The following ANO1 variants were observed in gnomAD, a reference collection of about 807,000 sequenced individuals.
ANO1 encodes anoctamin 1.
ANO1 carries 59 observed loss-of-function variants against 124.0 expected under a neutral mutation model. The ratio of observed to expected loss-of-function variants is 0.48; its 90% CI spans 0.39 to 0.59. ANO1 has a LOEUF of 0.59. Ranked by LOEUF, ANO1 falls within the 20% of genes least tolerant of loss-of-function variation. The pLI is 0.00. For synonymous variants in ANO1, 529 were observed against 532.0 expected (o/e 0.99, Z 0.08); for missense variants, 1,059 against 1,328.0 (o/e 0.80, Z 3.15).
chr11:70,162,007 G>T (rs1296696654), intron 18 of ANO1, among the ~76,000 whole-genome samples: 1 of 150,246 alleles, frequency 6.7e-6, no homozygotes, highest in Non-Finnish European at 1.5e-5. Flanking sequence ...GAGGGCCCTG[G>T]GCAGTGAGGA....
At position 70,182,565 on chromosome 11, in the gene ANO1, A is replaced by G. The variant is rs775900176; in HGVS notation, c.2467A>G (p.Lys823Glu). 11 of 1,613,430 alleles carry G rather than the reference A, an allele frequency of 6.8e-6. No homozygotes were observed. In the South Asian group the frequency reaches 9.9e-5, roughly 15 times the overall value. Residue 823 changes from lysine to glutamate, a missense_variant, in exon 24 of 26, where the codon AAG becomes GAG. Physicochemically the swap from Lys to Glu is moderately conservative, Grantham distance 56. This residue lies in a region of ANO1 where 809 missense variants were observed against 1,094.9 expected (regional missense o/e 0.74). Coordinates refer to ENST00000355303, the MANE Select transcript of ANO1 (RefSeq NM_018043.7). ...PRLVYLYMYS[K>E]NGTMHGFVNH... ...CCTGGTGTACCTCTACATGTACAGTAAGAACGGGACCATGCACGGCTTCGT... is the reference window on the plus strand; with the variant it reads ...CCTGGTGTACCTCTACATGTACAGTGAGAACGGGACCATGCACGGCTTCGT...
chr11:70,120,423 C>T (rs2046213976), intron 8 of ANO1, among the ~76,000 whole-genome samples: 1 of 152,120 alleles, frequency 6.6e-6, no homozygotes, highest in Non-Finnish European at 1.5e-5. Flanking sequence ...CCTCCCCCTG[C>T]CAGGGCACTG....
intron 1 of ANO1, among the ~76,000 whole-genome samples, chr11:70,003,806 C>T (rs1554999691): frequency 6.6e-6 from 1 of 152,170 alleles, no homozygotes; most frequent in African/African-American, 2.4e-5. Context: ...GACTGTTTCA[C>T]ATAGAACAGT....
At chr11:69,970,639 G>A in the ANO1 span, among the ~76,000 whole-genome samples, 1 of 152,206 alleles carries the variant, frequency 6.6e-6, no homozygotes, top group Non-Finnish European at 1.5e-5. Flanking sequence ...GAGTTCAAAT[G>A]TGGCCTCGCA....
At position 70,185,575 on chromosome 11, in the gene ANO1, C is replaced by T; in HGVS notation, c.2589-15C>T. 6.2e-7 allele frequency: 1 copy of T among 1,610,958 alleles called. No homozygotes were observed. The highest frequency in any genetic ancestry group is 8.5e-7 in the Non-Finnish European group (1 of 1,177,662). Reference sequence around the variant, plus strand: ...ACCGAAGTCCCACCCTCGACTCCACCACGGTCTTTTGCAGGTATAAAGACT... The same window carrying T: ...ACCGAAGTCCCACCCTCGACTCCACTACGGTCTTTTGCAGGTATAAAGACT... On this transcript the variant is annotated splice_polypyrimidine_tract_variant and intron_variant, in intron 24 of 25. Coordinates refer to ENST00000355303, the MANE Select transcript of ANO1 (RefSeq NM_018043.7).
At chr11:70,097,477 A>G (rs2045041947) in intron 2 of ANO1, among the ~76,000 whole-genome samples, 1 of 152,210 alleles carries the variant, frequency 6.6e-6, no homozygotes, top group Admixed American at 6.5e-5. Flanking sequence ...TGACCTCTCC[A>G]GGCAGACCCC....
chr11:70,061,509 C>CCCTCCTCCCTTTCTCTCTCTCT, intron 1 of ANO1, among the ~76,000 whole-genome samples: 6 of 148,850 alleles, frequency 4.0e-5, no homozygotes, highest in Non-Finnish European at 8.9e-5. Context: ...TCTCTCTCTC[C>CCCTCCTCCCTTTCTCTCTCTCT]CCTCCTCCCT....
Position 70,132,033 on chromosome 11 carries a change from C to G in ANO1, c.1212C>G (p.Phe404Leu). The G allele has an allele frequency of 6.2e-7, 1 of 1,602,618 alleles. No individual in the cohort carries two copies. Among genetic ancestry groups the G allele is most frequent in the South Asian group, 1.1e-5 (1 of 89,710 alleles). ...CCACGGCCCGCGCCAGCCACCTCTT[C>G]GACAACCCCGCCACGGTCTTCTTCT... The part of the protein sequence containing the change: ...ACATARASHL[F>L]DNPATVFFSV... The change falls in exon 11 of 26, where the codon TTC becomes TTG. Residue 404 changes from phenylalanine (F) to leucine (L), a missense_variant. Physicochemically the swap from Phe to Leu is conservative, Grantham distance 22 (BLOSUM62 0). Transcript: ENST00000355303.
At chr11:70,015,744 C>A in intron 1 of ANO1, 1 of 152,394 alleles carries the variant, frequency 6.6e-6, no homozygotes, top group East Asian at 1.9e-4. Flanking sequence ...ATGGGAGCAC[C>A]CAGGGACTGC....
At chr11:70,018,603 G>A (rs1476009654) in intron 1 of ANO1, among the ~76,000 whole-genome samples, 1 of 152,168 alleles carries the variant, frequency 6.6e-6, no homozygotes, top group Non-Finnish European at 1.5e-5. Context: ...ACTACACTGA[G>A]CAGAACCCCC....
At chr11:70,176,984 C>T (rs1412558192) in intron 22 of ANO1, among the ~76,000 whole-genome samples, 1 of 152,140 alleles carries the variant, frequency 6.6e-6, no homozygotes, top group Non-Finnish European at 1.5e-5. Flanking sequence ...GAGAGCCATC[C>T]GCCTGGACGT....
chr11:69,976,824 C>A, the ANO1 span, among the ~76,000 whole-genome samples: 2 of 152,206 alleles, frequency 1.3e-5, no homozygotes, highest in South Asian at 2.1e-4. Context: ...AGGCCCTGAC[C>A]GGCCCGGGCC....
chr11:70,081,287 G>A (rs1201095948), intron 1 of ANO1, among the ~76,000 whole-genome samples: 3 of 152,162 alleles, frequency 2.0e-5, no homozygotes, highest in Non-Finnish European at 4.4e-5. Context: ...TGAAACTGGT[G>A]GTTGTCCATG....
chr11:70,027,742 C>T (rs558321386), intron 1 of ANO1, among the ~76,000 whole-genome samples: 16 of 152,206 alleles, frequency 1.1e-4, no homozygotes, highest in Middle Eastern at 3.4e-3. Context: ...AGGGGTGATT[C>T]CAGGGAGGTG....
chr11:70,002,599 A>T (rs1554999512), intron 1 of ANO1, among the ~76,000 whole-genome samples: 1 of 152,198 alleles, frequency 6.6e-6, no homozygotes, highest in African/African-American at 2.4e-5. Flanking sequence ...TGGCTACGTC[A>T]TCTCAGTTTG....
intron 1 of ANO1, among the ~76,000 whole-genome samples, chr11:70,028,905 C>T (rs1856954671): frequency 1.3e-5 from 2 of 152,180 alleles, no homozygotes; most frequent in South Asian, 4.1e-4. Flanking sequence ...CCTCAGCCCT[C>T]CAAGTAGCTG....
chr11:70,163,904 C>A (rs1045095588), intron 19 of ANO1, among the ~76,000 whole-genome samples: 1 of 149,610 alleles, frequency 6.7e-6, no homozygotes, highest in Admixed American at 6.7e-5. Context: ...CGCCACTGCA[C>A]TTCATCCTGG....
In ANO1 at chr11:70,161,152, C is replaced by G; in HGVS notation, c.1579-9C>G. The stretch of plus-strand genomic sequence containing the variant: ...CCCCCAACCAAGAGTGCCCCTTTCC[C>G]CCCTGCAGATTGCAGTGACGTTTGC... On this transcript the variant is annotated splice_polypyrimidine_tract_variant and intron_variant, in intron 16 of 25. Transcript: ENST00000355303. The G allele has an allele frequency of 6.2e-7, 1 of 1,612,338 alleles. No individual in the cohort carries two copies. Among genetic ancestry groups the G allele is most frequent in the Non-Finnish European group, 8.5e-7 (1 of 1,179,386 alleles).
chr11:70,139,242 C>T (rs547896592), intron 11 of ANO1, among the ~76,000 whole-genome samples: 4 of 152,090 alleles, frequency 2.6e-5, no homozygotes, highest in African/African-American at 7.2e-5. Flanking sequence ...CTGCAAACTC[C>T]GCCTCCCATG....
Sources: allele counts gnomAD v4.1 joint callset (sites outside exome capture counted in the v4.1 genomes callset), GRCh38; gene constraint gnomAD v4.1.1; regional missense constraint gnomAD v4.1.1; transcripts MANE v1.5; gene names NCBI Gene and HGNC (gene_info 2026-07-23, HGNC 2026-07-21).